The following FOXP1 variants were observed in gnomAD, a reference collection of about 807,000 sequenced individuals.
FOXP1 encodes forkhead box P1.
Under a neutral mutation model 98.2 loss-of-function variants are expected in FOXP1, and 15 were observed. That is an observed-to-expected ratio of 0.15 (90% CI 0.10 to 0.24). FOXP1 has a LOEUF of 0.24. Among genes scored for constraint, FOXP1 ranks in the 10% least tolerant of loss-of-function variants. FOXP1 has a pLI of 1.00. For synonymous variants in FOXP1, 371 were observed against 314.5 expected, an observed-to-expected ratio of 1.18 and a Z score of -1.90; for missense variants, 633 against 848.5, an observed-to-expected ratio of 0.75 and a Z score of 3.15.
At chr3:71,198,490 T>A in intron 5 of FOXP1, 98 bp from the exon 6 acceptor site, 2 of 1,058,430 alleles carry the variant, frequency 1.9e-6, no homozygotes, top group Non-Finnish European at 2.9e-6. Flanking sequence ...GGCCTTGGTT[T>A]AAATGTTGCC....
In FOXP1 at chr3:71,123,496, G is replaced by A. The variant is rs556011143; in HGVS notation, c.181-10859C>T. Reference sequence around the variant, plus strand: ...CGTTCTCTGGTTCAGCTAAGCCAAGGTTGGATTTTTTTCAAAACGAGCTTT... The same window carrying A: ...CGTTCTCTGGTTCAGCTAAGCCAAGATTGGATTTTTTTCAAAACGAGCTTT... On this transcript the variant is annotated intron_variant, in intron 6 of 20. Transcript: ENST00000649528. Among the ~76,000 whole-genome samples, 4 of 152,322 alleles carry A rather than the reference G, an allele frequency of 2.6e-5. No homozygotes were observed. The East Asian group carries it at 5.8e-4, about 22-fold the overall frequency.
At chr3:71,126,974 C>T (rs1282186881) in intron 6 of FOXP1, among the ~76,000 whole-genome samples, 1 of 150,326 alleles carries the variant, frequency 6.7e-6, no homozygotes, top group Non-Finnish European at 1.5e-5. Context: ...TTGAAAATTA[C>T]ATTTTGAAAT....
chr3:71,381,311 C>A (rs778220570), intron 3 of FOXP1, among the ~76,000 whole-genome samples: 2 of 152,086 alleles, frequency 1.3e-5, no homozygotes, highest in Non-Finnish European at 1.5e-5. Context: ...CCACCGCGCC[C>A]GGCTAATTTT....
chr3:71,503,601 GAAAAAAAAAAA>G (rs368279502), intron 2 of FOXP1, among the ~76,000 whole-genome samples: 1 of 75,726 alleles, frequency 1.3e-5, no homozygotes, highest in Non-Finnish European at 2.3e-5. Context: ...ACTCTGTCTC[GAAAAAAAAAAA>G]AAAAAAAAAC....
intron 6 of FOXP1, among the ~76,000 whole-genome samples, chr3:71,195,655 A>G (rs1375343413): frequency 6.6e-6 from 1 of 152,256 alleles, no homozygotes; most frequent in Non-Finnish European, 1.5e-5. Context: ...AAAAGTCAAC[A>G]GGAATTAAAT....
At chr3:71,315,280 G>C (rs1376367156) in intron 4 of FOXP1, among the ~76,000 whole-genome samples, 1 of 151,916 alleles carries the variant, frequency 6.6e-6, no homozygotes, top group African/African-American at 2.4e-5. Context: ...GCCACACCAG[G>C]GCGCTTTATC....
chr3:71,351,805 T>C (rs1213022694), intron 4 of FOXP1, among the ~76,000 whole-genome samples: 8 of 152,118 alleles, frequency 5.3e-5, no homozygotes, highest in Admixed American at 3.9e-4. Context: ...TAATATGAAG[T>C]AAAATGAGGG....
intron 4 of FOXP1, among the ~76,000 whole-genome samples, chr3:71,331,961 A>C (rs780352542): frequency 1.2e-4 from 19 of 152,316 alleles, no homozygotes; most frequent in South Asian, 6.2e-4. Flanking sequence ...GTCAACATGG[A>C]CCAATCAGCT....
intron 6 of FOXP1, among the ~76,000 whole-genome samples, chr3:71,178,162 G>T (rs1386860829): frequency 2.1e-5 from 3 of 141,574 alleles, no homozygotes; most frequent in Non-Finnish European, 4.6e-5. Flanking sequence ...TTTTGAGAGA[G>T]TCTTGCTCTG....
chr3:71,088,175 A>T (rs550974173), intron 7 of FOXP1, among the ~76,000 whole-genome samples: 1 of 152,314 alleles, frequency 6.6e-6, no homozygotes, highest in African/African-American at 2.4e-5. Flanking sequence ...GGGGGCTCTT[A>T]AACTTGCTCT....
At chr3:71,324,464 T>C in intron 4 of FOXP1, among the ~76,000 whole-genome samples, 1 of 152,172 alleles carries the variant, frequency 6.6e-6, no homozygotes, top group East Asian at 1.9e-4. Flanking sequence ...ATGTCCCTTG[T>C]AGGGACACGG....
chr3:71,145,066 C>A (rs777041666), intron 6 of FOXP1, among the ~76,000 whole-genome samples: 2 of 152,182 alleles, frequency 1.3e-5, no homozygotes, highest in African/African-American at 4.8e-5. Context: ...AGTCTGCTTA[C>A]GCACATGCCC....
At chr3:71,582,648 A>T in intron 1 of FOXP1, 2 of 985,340 alleles carry the variant, frequency 2.0e-6, no homozygotes, top group Non-Finnish European at 2.4e-6. Flanking sequence ...ATGGTGGGAG[A>T]GAGATCCGGG....
chr3:71,045,512 T>C (rs1288975), intron 10 of FOXP1, among the ~76,000 whole-genome samples: 4,409 of 152,246 alleles, frequency 0.029, 225 homozygotes, highest in African/African-American at 0.098. Context: ...CGCTATGACA[T>C]TCTGCAAGCA....
intron 6 of FOXP1, among the ~76,000 whole-genome samples, chr3:71,183,815 A>G (rs562697527): frequency 1.5e-4 from 23 of 152,270 alleles, no homozygotes; most frequent in South Asian, 1.0e-3. Flanking sequence ...CCAGATCTAC[A>G]GAATAAAGTA....
intron 5 of FOXP1, among the ~76,000 whole-genome samples, chr3:71,218,570 G>A (rs1173826557): frequency 1.3e-5 from 2 of 152,130 alleles, no homozygotes; most frequent in Admixed American, 1.3e-4. Flanking sequence ...TAAAGCAGGG[G>A]TCTGCAAACT....
In FOXP1 at chr3:70,958,818, C is replaced by CATTG. The variant is rs2032503726; in HGVS notation, c.*425_*428dup. 1 of 334,578 alleles carries CATTG rather than the reference C, an allele frequency of 3.0e-6. No individual in the cohort carries two copies. The highest frequency in any genetic ancestry group is 2.2e-5 in the African/African-American group (1 of 45,666). 20.7% of individuals were successfully genotyped at this position (334,578 alleles called of 1,614,324 possible). ...TGCAGTACTGTGCAAATAGGTCGTC[C>CATTG]ATTGGAATCCTTAAATTCTGGGCAA... On this transcript the variant is annotated 3_prime_UTR_variant, in exon 21 of 21. Coordinates refer to ENST00000649528, the MANE Select transcript of FOXP1 (RefSeq NM_001349338.3).
chr3:71,389,728 A>G (rs2080893969), intron 3 of FOXP1, among the ~76,000 whole-genome samples: 1 of 152,218 alleles, frequency 6.6e-6, no homozygotes, highest in South Asian at 2.1e-4. Flanking sequence ...TCTATTTTTA[A>G]TCACTTTTTT....
At chr3:71,003,031 T>C (rs2042312090) in intron 12 of FOXP1, among the ~76,000 whole-genome samples, 2 of 152,278 alleles carry the variant, frequency 1.3e-5, no homozygotes, top group South Asian at 4.1e-4. Context: ...AATACATTCA[T>C]TGGAAGGAGC....
Sources: allele counts gnomAD v4.1 joint callset (sites outside exome capture counted in the v4.1 genomes callset), GRCh38; gene constraint gnomAD v4.1.1; transcripts MANE v1.5; gene names NCBI Gene and HGNC (gene_info 2026-07-23, HGNC 2026-07-21).